The following EI24 variants were observed in gnomAD, a reference collection of about 807,000 sequenced individuals.
The protein encoded by EI24 is etoposide-induced protein 2.4 homolog.
A neutral mutation model predicts 48.6 loss-of-function variants in EI24; 21 were observed. The observed-to-expected ratio is 0.43, with a 90% CI of 0.31 to 0.62. EI24 has a LOEUF of 0.62. Ranked by LOEUF, EI24 falls within the 20% of genes least tolerant of loss-of-function variation. EI24 has a pLI of 0.10. For synonymous variants in EI24, 114 were observed against 145.5 expected (o/e 0.78, Z 1.56); for missense variants, 280 against 410.5 (o/e 0.68, Z 2.75).
At position 125,583,921 on chromosome 11, in the gene EI24, T is replaced by C. The variant is rs545784063; in HGVS notation, c.*238T>C. On this transcript the variant is annotated 3_prime_UTR_variant, in exon 11 of 11. Transcript: ENST00000278903. Reference sequence around the variant, plus strand: ...TGAGTCTGAAAGGACCACAGGTTTTTCTGCAGCTATTTTCTAGCATTTGCC... The same window carrying C: ...TGAGTCTGAAAGGACCACAGGTTTTCCTGCAGCTATTTTCTAGCATTTGCC... The C allele has an allele frequency of 1.1e-4, 62 of 540,180 alleles. No individual in the cohort carries two copies. The South Asian group carries it at 1.2e-3, about 11-fold the overall frequency. 33.5% of individuals were successfully genotyped at this position (540,180 alleles called of 1,614,324 possible).
intron 1 of EI24, among the ~76,000 whole-genome samples, chr11:125,571,639 G>A (rs1201742512): frequency 6.6e-6 from 1 of 152,190 alleles, no homozygotes; most frequent in African/African-American, 2.4e-5. Context: ...CACTTTGGGA[G>A]GCTGAGATGG....
At chr11:125,569,596 T>A (rs11220131) in intron 1 of EI24, 23 bp downstream of exon 1, 2 of 365,354 alleles carry the variant, frequency 5.5e-6, no homozygotes, top group Non-Finnish European at 9.8e-6. Context: ...TCAGCCGAGC[T>A]AGGCCTCGGG....
chr11:125,582,435 G>C lies in EI24; in HGVS notation c.860+15G>C. The stretch of plus-strand genomic sequence containing the variant: ...GGCAAAGCATAGTAAGTATTAGCCA[G>C]TGATGAAATTTTTGCTGTGTAAAGG... On this transcript the variant is annotated intron_variant, in intron 10 of 10. Coordinates refer to ENST00000278903, the MANE Select transcript of EI24 (RefSeq NM_004879.5). The C allele has an allele frequency of 6.3e-7, 1 of 1,574,984 alleles. No individual in the cohort carries two copies. Among genetic ancestry groups the C allele is most frequent in the East Asian group, 2.3e-5 (1 of 44,034 alleles).
chr11:125,579,482 A>G (rs1236386919), intron 7 of EI24, among the ~76,000 whole-genome samples: 1 of 151,938 alleles, frequency 6.6e-6, no homozygotes, highest in East Asian at 1.9e-4. Context: ...CCTGGCCAAC[A>G]TGGTGAAACC....
intron 6 of EI24, 31 bp downstream of exon 6, chr11:125,578,288 C>CCG (rs1420655036): frequency 6.2e-7 from 1 of 1,612,904 alleles, no homozygotes; most frequent in Non-Finnish European, 8.5e-7. Context: ...AGTCTGGGTC[C>CCG]CGCAGCATGA....
intron 5 of EI24, 152 bp from the exon 6 acceptor site, chr11:125,577,981 A>G: frequency 1.2e-6 from 1 of 835,530 alleles, no homozygotes; most frequent in Non-Finnish European, 1.9e-6. Flanking sequence ...GTCTATTATG[A>G]GTTAGACTCT....
chr11:125,575,132 CAGG>C (rs1938686242), intron 2 of EI24, 128 bp from the exon 3 acceptor site: 4 of 743,236 alleles, frequency 5.4e-6, no homozygotes, highest in Non-Finnish European at 8.0e-6. Flanking sequence ...GAGGCTGAGG[CAGG>C]AGGATCATTT....
chr11:125,576,191 C>A, intron 3 of EI24, 64 bp from the exon 4 acceptor site: 1 of 1,454,700 alleles, frequency 6.9e-7, no homozygotes, highest in Non-Finnish European at 9.5e-7. Flanking sequence ...ATAAAATGAA[C>A]TACTGAATGA....
chr11:125,574,769 C>G (rs1345554073), intron 2 of EI24: 1 of 153,084 alleles, frequency 6.5e-6, no homozygotes, highest in Non-Finnish European at 1.5e-5. Context: ...ACAGAGATTA[C>G]CATGGCTCCT....
chr11:125,575,489 AT>A, intron 3 of EI24, 81 bp downstream of exon 3: 3 of 1,382,570 alleles, frequency 2.2e-6, no homozygotes, highest in South Asian at 1.6e-5. Context: ...GTGCCATTTT[AT>A]TTCTTTTGTG....
intron 6 of EI24, among the ~76,000 whole-genome samples, chr11:125,578,534 G>T (rs373018001): frequency 6.9e-6 from 1 of 145,422 alleles, no homozygotes; most frequent in African/African-American, 2.6e-5. Flanking sequence ...GCCCAGGCTG[G>T]AGTGCACTGC....
At chr11:125,570,044 C>T (rs1188682018) in intron 1 of EI24, 3 of 152,436 alleles carry the variant, frequency 2.0e-5, no homozygotes, top group Non-Finnish European at 4.4e-5. Context: ...AAGTGTGTCT[C>T]AGCAGATGCT....
At chr11:125,578,564 C>G (rs1376589412) in intron 6 of EI24, among the ~76,000 whole-genome samples, 1 of 139,048 alleles carries the variant, frequency 7.2e-6, no homozygotes, top group Non-Finnish European at 1.5e-5. Context: ...CTCCCGGGTT[C>G]AAGCAATTCT....
Position 125,575,395 on chromosome 11 carries a change from C to A in EI24, c.175C>A (p.Arg59=), listed in dbSNP as rs187402952. ...LAQRRAQSIE[R]KQESEPRIVS... ...ACAGAGAAGAGCCCAGAGTATAGAG[C>A]GGAAGCAAGAGAGGTAAGGAGTGCA... Residue 59 remains arginine, a synonymous_variant, in exon 3 of 11, where the codon CGG becomes AGG. Transcript: ENST00000278903. 1.3e-6 allele frequency: 2 copies of A among 1,592,264 alleles called. No homozygotes were observed. The highest frequency in any genetic ancestry group is 3.5e-5 in the Admixed American group (2 of 57,182).
At position 125,582,800 on chromosome 11, in the gene EI24, CAG is replaced by C. The variant is rs148684485; in HGVS notation, c.860+381_860+382del. ...CATCTTTGATCAATTTTGGTTAAGT[CAG>C]TGTGGATACTTGTATTAGAGACTTA... is the stretch of plus-strand genomic sequence containing the variant. On this transcript the variant is annotated intron_variant, in intron 10 of 10. Coordinates refer to ENST00000278903, the MANE Select transcript of EI24 (RefSeq NM_004879.5). 6.5e-3 allele frequency among the ~76,000 whole-genome samples: 993 copies of C among 152,240 alleles called. 7 individuals carry two copies. Among genetic ancestry groups the C allele is most frequent in the African/African-American group, 0.022 (914 of 41,524 alleles).
At chr11:125,576,383 C>A in intron 4 of EI24, 68 bp downstream of exon 4, 1 of 1,426,208 alleles carries the variant, frequency 7.0e-7, no homozygotes, top group Non-Finnish European at 9.8e-7. Context: ...TAGCTATGAA[C>A]TGTTTTCTTG....
intron 10 of EI24, among the ~76,000 whole-genome samples, chr11:125,583,008 CAA>C (rs1939075028): frequency 6.6e-6 from 1 of 152,194 alleles, no homozygotes; most frequent in Non-Finnish European, 1.5e-5. Context: ...CTTCTCAAAT[CAA>C]AGTTAATCTA....
rs375579026 is a variant in EI24 at position 125,578,933 on chromosome 11, A to G, written c.442-16A>G. On this transcript the variant is annotated splice_polypyrimidine_tract_variant and intron_variant, in intron 6 of 10. Coordinates refer to ENST00000278903, the MANE Select transcript of EI24 (RefSeq NM_004879.5). ...GGCCATTTAATTCATGTTTTGGTAC[A>G]CTTTCTCTGTTACAGGATATAGCTG... 10 of 1,564,540 alleles carry G rather than the reference A, an allele frequency of 6.4e-6. No individual in the cohort carries two copies. The African/African-American group carries it at 1.2e-4, about 19-fold the overall frequency.
At chr11:125,577,399 G>T in intron 4 of EI24, 105 bp from the exon 5 acceptor site, 2 of 1,184,170 alleles carry the variant, frequency 1.7e-6, no homozygotes, top group South Asian at 1.4e-5. Context: ...TAGGCCTCCT[G>T]ATTTATAAAA....
Sources: gnomAD v4.1 joint callset for allele counts (sites outside exome capture counted in the v4.1 genomes callset) on GRCh38, gnomAD v4.1.1 for gene constraint, MANE v1.5 for transcripts, NCBI Gene and HGNC (gene_info 2026-07-23, HGNC 2026-07-21) for gene names.